Variants in PSME3 observed in about 807,000 individuals in gnomAD.
PSME3 encodes the protein proteasome activator subunit 3.
PSME3 carries 7 observed loss-of-function variants against 38.3 expected under a neutral mutation model. The ratio of observed to expected loss-of-function variants is 0.18; its 90% CI spans 0.10 to 0.34. The LOEUF (loss-of-function observed/expected upper bound fraction) is 0.34, where lower values mean the gene tolerates loss of function less well. Among genes scored for constraint, PSME3 ranks in the 10% least tolerant of loss-of-function variants. PSME3 has a pLI of 1.00. For missense variants in PSME3, 192 were observed against 307.6 expected, an observed-to-expected ratio of 0.62 and a Z score of 2.81; for synonymous variants, 108 against 105.7, an observed-to-expected ratio of 1.02 and a Z score of -0.13.
intron 4 of PSME3, among the ~76,000 whole-genome samples, chr17:42,835,875 G>T (rs184902345): frequency 4.3e-4 from 66 of 152,186 alleles, no homozygotes; most frequent in African/African-American, 1.5e-3. Flanking sequence ...TCTTTGCTTT[G>T]CATCTCTAAC....
intron 4 of PSME3, 124 bp downstream of exon 4, chr17:42,835,000 C>A: frequency 7.3e-7 from 1 of 1,366,968 alleles, no homozygotes; most frequent in Non-Finnish European, 9.8e-7. Flanking sequence ...GACTCTGTTA[C>A]AGACATGATG....
chr17:42,834,307 TC>T (rs1300447305), intron 1 of PSME3, 36 bp from the exon 2 acceptor site: 2 of 1,613,934 alleles, frequency 1.2e-6, no homozygotes, highest in South Asian at 2.2e-5. Context: ...CTTACCTCTG[TC>T]CCCAGGTACT....
intron 1 of PSME3, 169 bp downstream of exon 1, chr17:42,833,842 T>C: frequency 1.3e-6 from 2 of 1,528,172 alleles, no homozygotes; most frequent in Non-Finnish European, 1.8e-6. Flanking sequence ...GAGAGGAAAA[T>C]ATAGGATGGC....
chr17:42,839,082 G>A (rs775654817), intron 8 of PSME3, 30 bp from the exon 9 acceptor site: 2 of 1,591,112 alleles, frequency 1.3e-6, no homozygotes, highest in Non-Finnish European at 1.7e-6. Flanking sequence ...AGGGTCTCCT[G>A]CATCTTCCTC....
Position 42,833,487 on chromosome 17 carries a change from G to C in PSME3, c.-145G>C, listed in dbSNP as rs1242036683. Reference sequence around the variant, plus strand: ...CCGGCGGGCGGGCGGACGGCACAGAGGGAGGGAGCGAGCGAGCAGTGAGTA... The same window carrying C: ...CCGGCGGGCGGGCGGACGGCACAGACGGAGGGAGCGAGCGAGCAGTGAGTA... On this transcript the variant is annotated 5_prime_UTR_variant, in exon 1 of 11. Transcript: ENST00000590720. 1 of 978,610 alleles carries C rather than the reference G, an allele frequency of 1.0e-6. No homozygotes were observed. The highest frequency in any genetic ancestry group is 1.5e-6 in the Non-Finnish European group (1 of 645,758). The allele number at this position is 978,610 out of a possible 1,614,324, so 60.6% of individuals were successfully genotyped here.
chr17:42,833,579 G>A lies in PSME3; in HGVS notation c.-53G>A. On this transcript the variant is annotated 5_prime_UTR_variant, in exon 1 of 11. Coordinates refer to ENST00000590720, the MANE Select transcript of PSME3 (RefSeq NM_005789.4). ...CTCAGGTCCCTCCGGCCCCCTCCCT[G>A]GAGTCCACAGCGCCTCCGGTGTCCA... 6.2e-7 allele frequency: 1 copy of A among 1,612,328 alleles called. No individual in the cohort carries two copies. Among genetic ancestry groups the A allele is most frequent in the Non-Finnish European group, 8.5e-7 (1 of 1,178,792 alleles).
chr17:42,833,796 C>T (rs2055428249), intron 1 of PSME3, 123 bp downstream of exon 1: 1 of 1,591,306 alleles, frequency 6.3e-7, no homozygotes, highest in Admixed American at 1.8e-5. Context: ...CCGCTCGGCT[C>T]AGCCCAGCCC....
intron 10 of PSME3, among the ~76,000 whole-genome samples, chr17:42,841,049 C>T (rs1043208591): frequency 7.3e-5 from 11 of 150,344 alleles, no homozygotes; most frequent in Middle Eastern, 6.9e-3. Context: ...AGGAGAATGG[C>T]ATGAACCTGG....
chr17:42,837,747 A>G (rs764081742), intron 5 of PSME3, 50 bp downstream of exon 5: 4 of 1,574,252 alleles, frequency 2.5e-6, no homozygotes, highest in Non-Finnish European at 3.5e-6. Context: ...CTGACTTGCA[A>G]CCCTGAGAAG....
chr17:42,833,473 G>C lies in PSME3; in HGVS notation c.-159G>C, dbSNP rs2055422389. The C allele has an allele frequency of 6.1e-6, 5 of 820,584 alleles. No homozygotes were observed. The highest frequency in any genetic ancestry group is 9.5e-6 in the Non-Finnish European group (5 of 526,898). The allele number at this position is 820,584 out of a possible 1,614,324, so 50.8% of individuals were successfully genotyped here. A position where few individuals can be genotyped will look rare whatever the true frequency, so the allele number is the denominator to read the frequency against. On this transcript the variant is annotated 5_prime_UTR_variant, in exon 1 of 11. Transcript: ENST00000590720. ...CAGGCAGCAGGCTGCCGGCGGGCGGGCGGACGGCACAGAGGGAGGGAGCGA... is the reference window on the plus strand; with the variant it reads ...CAGGCAGCAGGCTGCCGGCGGGCGGCCGGACGGCACAGAGGGAGGGAGCGA...
Position 42,833,561 on chromosome 17 carries a change from C to T in PSME3, c.-71C>T, listed in dbSNP as rs1418799820. The T allele has an allele frequency of 2.5e-6, 4 of 1,594,258 alleles. No individual in the cohort carries two copies. The highest frequency in any genetic ancestry group is 1.1e-5 in the South Asian group (1 of 90,590). On this transcript the variant is annotated 5_prime_UTR_variant, in exon 1 of 11. Coordinates refer to ENST00000590720, the MANE Select transcript of PSME3 (RefSeq NM_005789.4). ...CGAGGTCAGCCGAGATTTCTCAGGT[C>T]CCTCCGGCCCCCTCCCTGGAGTCCA...
chr17:42,840,652 C>T (rs2055520657), intron 10 of PSME3, among the ~76,000 whole-genome samples: 2 of 152,138 alleles, frequency 1.3e-5, no homozygotes, highest in East Asian at 3.9e-4. Context: ...GCACAAAATT[C>T]ATTCGCTTTT....
chr17:42,836,407 G>A (rs181979762), intron 4 of PSME3, among the ~76,000 whole-genome samples: 1 of 152,276 alleles, frequency 6.6e-6, no homozygotes. Flanking sequence ...GTGTTCCTTT[G>A]TGGAACCAGC....
chr17:42,840,149 G>A (rs916457439), intron 10 of PSME3, among the ~76,000 whole-genome samples: 8 of 151,560 alleles, frequency 5.3e-5, no homozygotes, highest in South Asian at 2.1e-4. Context: ...CGGGCGTGGC[G>A]GCACATGCCT....
At chr17:42,838,920 T>G (rs1355829350) in intron 7 of PSME3, 25 bp from the exon 8 acceptor site, 4 of 1,613,888 alleles carry the variant, frequency 2.5e-6, no homozygotes, top group Non-Finnish European at 3.4e-6. Flanking sequence ...TGGCTTTTGA[T>G]GCACCTGTTG....
At chr17:42,834,137 A>G in intron 1 of PSME3, 2 of 1,475,752 alleles carry the variant, frequency 1.4e-6, no homozygotes, top group South Asian at 1.4e-5. Flanking sequence ...GGGAGGACAG[A>G]GGAGACAGGC....
At chr17:42,839,206 G>A in intron 9 of PSME3, 40 bp downstream of exon 9, 7 of 1,562,422 alleles carry the variant, frequency 4.5e-6, no homozygotes, top group Non-Finnish European at 6.2e-6. Flanking sequence ...GAGGTGGCAG[G>A]ATAGTGAAGA....
At chr17:42,834,448 G>A (rs1454693611) in intron 2 of PSME3, 67 bp from the exon 3 acceptor site, 2 of 1,603,090 alleles carry the variant, frequency 1.2e-6, no homozygotes, top group Admixed American at 3.3e-5. Context: ...GAGAGAGAGA[G>A]AGAGAGAGAG....
intron 4 of PSME3, among the ~76,000 whole-genome samples, chr17:42,836,097 C>G (rs541858283): frequency 5.5e-4 from 84 of 151,634 alleles, no homozygotes; most frequent in Non-Finnish European, 7.5e-4. Context: ...CTCCGCCTCC[C>G]GGGTTCAAGT....
Sources: gnomAD v4.1 joint callset for allele counts (sites outside exome capture counted in the v4.1 genomes callset) on GRCh38, gnomAD v4.1.1 for gene constraint, MANE v1.5 for transcripts, NCBI Gene and HGNC (gene_info 2026-07-23, HGNC 2026-07-21) for gene names.